The following MFAP3 variants were observed in gnomAD, a reference collection of about 807,000 sequenced individuals.
MFAP3 encodes microfibril-associated glycoprotein 3.
MFAP3 carries 8 observed loss-of-function variants against 20.5 expected under a neutral mutation model. The observed-to-expected ratio is 0.39, with a 90% CI of 0.23 to 0.70. MFAP3 has a LOEUF of 0.70. MFAP3 is among the 30% of genes least tolerant of loss of function. The probability of loss-of-function intolerance (pLI) is 0.44; values close to 1 mark genes in which losing one functional copy is unlikely to be tolerated. For synonymous variants in MFAP3, 140 were observed against 154.0 expected, an observed-to-expected ratio of 0.91 and a Z score of 0.67; for missense variants, 398 against 444.6, an observed-to-expected ratio of 0.90 and a Z score of 0.94.
chr5:154,047,392 G>C (rs1260952540), intron 1 of MFAP3, among the ~76,000 whole-genome samples: 1 of 152,202 alleles, frequency 6.6e-6, no homozygotes, highest in Non-Finnish European at 1.5e-5. Flanking sequence ...ATACTGTTCA[G>C]TATATGAAAA....
chr5:154,043,119 G>A (rs539642261), intron 1 of MFAP3, among the ~76,000 whole-genome samples: 56 of 152,070 alleles, frequency 3.7e-4, no homozygotes, highest in Admixed American at 5.9e-4. Flanking sequence ...GGTTTTCTGG[G>A]GTAAAATCAT....
Position 154,053,694 on chromosome 5 carries a change from A to G in MFAP3, c.1070A>G (p.Tyr357Cys), listed in dbSNP as rs144623076. 1.2e-4 allele frequency: 199 copies of G among 1,611,596 alleles called. 1 individual carries two copies. The East Asian group carries it at 4.4e-3, about 36-fold the overall frequency. The change falls in exon 3 of 3, where the codon TAT (tyrosine) becomes TGT (cysteine). Residue 357 changes from tyrosine (Y) to cysteine (C), a missense_variant. Tyr to Cys is a radical substitution (Grantham distance 194). Coordinates refer to ENST00000522782, the MANE Select transcript of MFAP3 (RefSeq NM_005927.5). ...ESNCNYKDGAYENCQL is the reference protein window; with the variant it reads ...ESNCNYKDGACENCQL ...AACTGTAACTACAAAGATGGGGCAT[A>G]TGAAAACTGTCAGCTGTAACCTACA...
intron 1 of MFAP3, among the ~76,000 whole-genome samples, chr5:154,046,552 G>A (rs1010363970): frequency 2.0e-5 from 3 of 152,164 alleles, no homozygotes; most frequent in Non-Finnish European, 4.4e-5. Flanking sequence ...CTGGGGTGAA[G>A]GAGAAGCCAT....
At chr5:154,040,231 A>G (rs544804041) in intron 1 of MFAP3, among the ~76,000 whole-genome samples, 1 of 152,366 alleles carries the variant, frequency 6.6e-6, no homozygotes, top group South Asian at 2.1e-4. Context: ...ATCAATATTT[A>G]CTATTTTAGA....
chr5:154,051,195 A>C (rs1773184250), intron 2 of MFAP3, among the ~76,000 whole-genome samples: 1 of 152,178 alleles, frequency 6.6e-6, no homozygotes, highest in Non-Finnish European at 1.5e-5. Flanking sequence ...TTGGGGTTCC[A>C]TATTTGAACC....
rs760696564 is a variant in MFAP3, at chr5:154,056,744, A to C, written c.*3031A>C. ...AGATAGACAGGTATTAATTGAGCTG[A>C]TGCCCCACTTGAGTTTATAGACTGT... On this transcript the variant is annotated 3_prime_UTR_variant, in exon 3 of 3. Transcript: ENST00000522782. 1.3e-5 allele frequency among the ~76,000 whole-genome samples: 2 copies of C among 152,218 alleles called. No homozygotes were observed. The highest frequency in any genetic ancestry group is 2.9e-5 in the Non-Finnish European group (2 of 68,034).
intron 1 of MFAP3, among the ~76,000 whole-genome samples, chr5:154,043,051 G>C (rs374902241): frequency 3.5e-4 from 53 of 152,198 alleles, no homozygotes; most frequent in African/African-American, 7.7e-4. Context: ...CAATCTGTTA[G>C]GGGTGACAGC....
chr5:154,057,427 A>G lies in MFAP3; in HGVS notation c.*3714A>G, dbSNP rs1292088578. Among the ~76,000 whole-genome samples the G allele has an allele frequency of 6.6e-6, 1 of 152,232 alleles. No homozygotes were observed. Among genetic ancestry groups the G allele is most frequent in the African/African-American group, 2.4e-5 (1 of 41,452 alleles). On this transcript the variant is annotated 3_prime_UTR_variant, in exon 3 of 3. Transcript: ENST00000522782. ...TTGAATATAATTTATTAAACGTTCA[A>G]TGGAGTATATAGTCTATTTGAAATT...
rs770144243 is a variant in MFAP3 at position 154,056,476 on chromosome 5, A to G, written c.*2763A>G. ...TTTTAAATCAACCTTTTGAACTTCA[A>G]CTACAGTCTAAAAGTCTTGATGGTA... On this transcript the variant is annotated 3_prime_UTR_variant, in exon 3 of 3. Coordinates refer to ENST00000522782, the MANE Select transcript of MFAP3 (RefSeq NM_005927.5). Among the ~76,000 whole-genome samples, 9 of 152,232 alleles carry G rather than the reference A, an allele frequency of 5.9e-5. No individual in the cohort carries two copies. The highest frequency in any genetic ancestry group is 1.3e-4 in the Non-Finnish European group (9 of 68,044).
At chr5:154,046,061 G>A (rs147063623) in intron 1 of MFAP3, among the ~76,000 whole-genome samples, 10 of 152,276 alleles carry the variant, frequency 6.6e-5, no homozygotes, top group African/African-American at 2.4e-4. Context: ...CTCGTTCTGG[G>A]TTGGGACCTG....
At chr5:154,050,184 T>C (rs1335967845) in intron 2 of MFAP3, among the ~76,000 whole-genome samples, 167 bp downstream of exon 2, 2 of 152,178 alleles carry the variant, frequency 1.3e-5, no homozygotes, top group East Asian at 1.9e-4. Context: ...AAAGTAATTA[T>C]AATTGTTTAA....
Position 154,053,598 on chromosome 5 carries a change from A to C in MFAP3, c.974A>C (p.Lys325Thr), listed in dbSNP as rs1049365051. ...TCTGTCCACCTTCAGTCAGAAACCA[A>C]AAGTATTGATACAGAGTCTCAAGGC... ...QVSVHLQSET[K>T]SIDTESQGSS... Residue 325 changes from lysine (K) to threonine (T), a missense_variant, in exon 3 of 3, where the codon AAA becomes ACA. Coordinates refer to ENST00000522782, the MANE Select transcript of MFAP3 (RefSeq NM_005927.5). 6.2e-7 allele frequency: 1 copy of C among 1,613,930 alleles called. No individual in the cohort carries two copies. The highest frequency in any genetic ancestry group is 1.3e-5 in the African/African-American group (1 of 74,932).
rs1484705616 is a variant in MFAP3, at chr5:154,054,863, G to T, written c.*1150G>T. On this transcript the variant is annotated 3_prime_UTR_variant, in exon 3 of 3. Coordinates refer to ENST00000522782, the MANE Select transcript of MFAP3 (RefSeq NM_005927.5). ...TTCAGATACATAATTCTGAGCTATG[G>T]CTGCTTTTGTAGCCTTTCCAAGAAG... 4 of 166,984 alleles carry T rather than the reference G, an allele frequency of 2.4e-5. No individual in the cohort carries two copies. In the East Asian group the frequency reaches 7.7e-4, roughly 32 times the overall value. The allele number at this position is 166,984 out of a possible 1,614,324, so 10.3% of individuals were successfully genotyped here. A position where few individuals can be genotyped will look rare whatever the true frequency, so the allele number is the denominator to read the frequency against.
Position 154,055,896 on chromosome 5 carries a change from CTG to C in MFAP3, c.*2186_*2187del, listed in dbSNP as rs1773318285. The stretch of plus-strand genomic sequence containing the variant: ...GTGTTGAGATTACAGGCATGAGCCA[CTG>C]TGCCTGGCCAAAAAACATTTTAAAT... On this transcript the variant is annotated 3_prime_UTR_variant, in exon 3 of 3. Coordinates refer to ENST00000522782, the MANE Select transcript of MFAP3 (RefSeq NM_005927.5). Among the ~76,000 whole-genome samples, 1 of 152,184 alleles carries C rather than the reference CTG, an allele frequency of 6.6e-6. No individual in the cohort carries two copies. Among genetic ancestry groups the C allele is most frequent in the Non-Finnish European group, 1.5e-5 (1 of 68,036 alleles).
At chr5:154,040,722 C>T (rs1772920389) in intron 1 of MFAP3, among the ~76,000 whole-genome samples, 1 of 152,102 alleles carries the variant, frequency 6.6e-6, no homozygotes, top group African/African-American at 2.4e-5. Context: ...TCTGTGGGGT[C>T]AAGAAATCTG....
In MFAP3 at chr5:154,053,878, C is replaced by A. The variant is rs1279466343; in HGVS notation, c.*165C>A. The A allele has an allele frequency of 4.9e-6, 3 of 614,990 alleles. No homozygotes were observed. The highest frequency in any genetic ancestry group is 3.0e-5 in the Admixed American group (1 of 32,802). 38.1% of individuals were successfully genotyped at this position (614,990 alleles called of 1,614,324 possible). On this transcript the variant is annotated 3_prime_UTR_variant, in exon 3 of 3. Coordinates refer to ENST00000522782, the MANE Select transcript of MFAP3 (RefSeq NM_005927.5). ...TGCCAAAGTCTTCATTAGAAGGCAG[C>A]ATTTTTCCTCTCTGATACTTTTCAG...
chr5:154,041,051 T>C (rs1303511130), intron 1 of MFAP3, among the ~76,000 whole-genome samples: 1 of 152,070 alleles, frequency 6.6e-6, no homozygotes, highest in Non-Finnish European at 1.5e-5. Flanking sequence ...TACAGTCTTT[T>C]GAACGGATAA....
rs188465005 is a variant in MFAP3 at position 154,053,679 on chromosome 5, A to C, written c.1055A>C (p.Tyr352Ser). Residue 352 changes from tyrosine (Y) to serine (S), a missense_variant, in exon 3 of 3, where the codon TAC becomes TCC. Coordinates refer to ENST00000522782, the MANE Select transcript of MFAP3 (RefSeq NM_005927.5). Reference protein sequence around the residue: ...DIGSAESNCNYKDGAYENCQL With the variant: ...DIGSAESNCNSKDGAYENCQL ...GGATCTGCAGAATCTAACTGTAACT[A>C]CAAAGATGGGGCATATGAAAACTGT... The C allele has an allele frequency of 1.4e-5, 22 of 1,613,314 alleles. 2 individuals are homozygous for C. The Admixed American group carries it at 3.7e-4, about 27-fold the overall frequency.
chr5:154,045,013 C>CT (rs1230996584), intron 1 of MFAP3, among the ~76,000 whole-genome samples: 1 of 151,564 alleles, frequency 6.6e-6, no homozygotes, highest in Admixed American at 6.6e-5. Flanking sequence ...ATGAGTCTCT[C>CT]TTTGTCTTTC....
Sources: gnomAD v4.1 joint callset for allele counts (sites outside exome capture counted in the v4.1 genomes callset) on GRCh38, gnomAD v4.1.1 for gene constraint, MANE v1.5 for transcripts, NCBI Gene and HGNC (gene_info 2026-07-23, HGNC 2026-07-21) for gene names.